The following AKAP19 variants were observed in gnomAD, a reference collection of about 807,000 sequenced individuals.
AKAP19 encodes A-kinase anchoring protein 19, also known as small A-kinase anchoring protein.
chr2:190,132,136 C>T, the AKAP19 span, among the ~76,000 whole-genome samples: 1 of 152,068 alleles, frequency 6.6e-6, no homozygotes, highest in African/African-American at 2.4e-5. Flanking sequence ...AGCTATAAAA[C>T]ATTTATGAAA....
chr2:189,909,933 C>T, the AKAP19 span, among the ~76,000 whole-genome samples: 4 of 151,464 alleles, frequency 2.6e-5, no homozygotes, highest in African/African-American at 9.7e-5. Context: ...TGTTTTTTTT[C>T]AAGTATAAAA....
chr2:190,187,409 CTT>C, the AKAP19 span, among the ~76,000 whole-genome samples: 180 of 131,226 alleles, frequency 1.4e-3, no homozygotes, highest in African/African-American at 4.3e-3. Flanking sequence ...TTAGAAGTTA[CTT>C]TTTTTTTTTT....
the AKAP19 span, among the ~76,000 whole-genome samples, chr2:190,126,578 C>T: frequency 2.6e-4 from 39 of 151,930 alleles, no homozygotes; most frequent in African/African-American, 5.8e-4. Flanking sequence ...GTAAGAAATG[C>T]TGTTTTATTT....
the AKAP19 span, among the ~76,000 whole-genome samples, chr2:189,945,743 T>G: frequency 1.3e-5 from 2 of 152,186 alleles, no homozygotes; most frequent in Non-Finnish European, 2.9e-5. Context: ...CAGGGGTCCT[T>G]TATGTTATGT....
the AKAP19 span, among the ~76,000 whole-genome samples, chr2:189,940,328 C>T: frequency 8.1e-5 from 12 of 148,048 alleles, no homozygotes; most frequent in Non-Finnish European, 1.8e-4. Context: ...TGCCTGTAGT[C>T]CCAGCTACTT....
chr2:190,047,263 T>G, the AKAP19 span, among the ~76,000 whole-genome samples: 11 of 152,192 alleles, frequency 7.2e-5, no homozygotes, highest in African/African-American at 1.9e-4. Flanking sequence ...GTGTGTGTGT[T>G]TGTTGCTTTG....
chr2:190,026,213 T>G, the AKAP19 span, among the ~76,000 whole-genome samples: 2 of 152,192 alleles, frequency 1.3e-5, no homozygotes, highest in African/African-American at 2.4e-5. Context: ...GTGGGCTATG[T>G]CCACAGGCCA....
At chr2:189,889,197 G>A in the AKAP19 span, among the ~76,000 whole-genome samples, 1 of 151,956 alleles carries the variant, frequency 6.6e-6, no homozygotes, top group Admixed American at 6.6e-5. Context: ...GAAAATCATG[G>A]GTTTTTGTCA....
the AKAP19 span, among the ~76,000 whole-genome samples, chr2:190,142,690 T>A: frequency 2.0e-5 from 3 of 152,220 alleles, no homozygotes; most frequent in Admixed American, 6.5e-5. Flanking sequence ...AACAAACTGG[T>A]ACTTTTGATA....
At chr2:189,990,729 GT>G in the AKAP19 span, among the ~76,000 whole-genome samples, 4 of 152,156 alleles carry the variant, frequency 2.6e-5, no homozygotes, top group Admixed American at 1.3e-4. Flanking sequence ...TATTTCAAAA[GT>G]TTTTTGGGGA....
At chr2:190,080,672 A>G in the AKAP19 span, among the ~76,000 whole-genome samples, 3 of 152,244 alleles carry the variant, frequency 2.0e-5, no homozygotes, top group Non-Finnish European at 4.4e-5. Context: ...TATGTCAGGC[A>G]TTGGTCCAGG....
chr2:190,151,725 G>T, the AKAP19 span, among the ~76,000 whole-genome samples: 3 of 151,268 alleles, frequency 2.0e-5, no homozygotes, highest in Non-Finnish European at 2.9e-5. Flanking sequence ...GGCCAGGCCG[G>T]GCATAGTGGC....
chr2:190,128,493 G>C, the AKAP19 span, among the ~76,000 whole-genome samples: 1 of 152,170 alleles, frequency 6.6e-6, no homozygotes, highest in African/African-American at 2.4e-5. Flanking sequence ...AGAAGGAGAG[G>C]GAGTGCAATG....
At chr2:190,171,389 G>C in the AKAP19 span, among the ~76,000 whole-genome samples, 473 of 152,228 alleles carry the variant, frequency 3.1e-3, 1 homozygote, top group Middle Eastern at 0.027. Flanking sequence ...TTTTCTTAGA[G>C]GTCCTCCAAA....
the AKAP19 span, among the ~76,000 whole-genome samples, chr2:190,007,456 G>C: frequency 8.5e-5 from 13 of 152,268 alleles, no homozygotes; most frequent in Admixed American, 3.9e-4. Flanking sequence ...TCTGTTTTCT[G>C]TATGTTATGG....
the AKAP19 span, chr2:189,924,152 A>G: frequency 6.2e-7 from 1 of 1,611,566 alleles, no homozygotes. Flanking sequence ...ATCAAGGATG[A>G]TGAAAAAGAG....
the AKAP19 span, among the ~76,000 whole-genome samples, chr2:189,900,297 G>A: frequency 2.6e-5 from 4 of 151,676 alleles, no homozygotes; most frequent in East Asian, 1.9e-4. Context: ...CAAAGAATGC[G>A]ACTTTTTTTC....
At chr2:190,184,361 A>G in the AKAP19 span, among the ~76,000 whole-genome samples, 1 of 152,230 alleles carries the variant, frequency 6.6e-6, no homozygotes, top group African/African-American at 2.4e-5. Flanking sequence ...CTTTGCATGT[A>G]AACAGCCTGC....
chr2:189,908,531 A>G, the AKAP19 span, among the ~76,000 whole-genome samples: 1 of 152,058 alleles, frequency 6.6e-6, no homozygotes, highest in African/African-American at 2.4e-5. Flanking sequence ...CTTTTGCTGC[A>G]TCGAATAAGT....
Sources: allele counts gnomAD v4.1 joint callset (sites outside exome capture counted in the v4.1 genomes callset), GRCh38; gene constraint gnomAD v4.1.1; transcripts MANE v1.5; gene names NCBI Gene and HGNC (gene_info 2026-07-23, HGNC 2026-07-21).